The following NIBAN3 variants were observed in gnomAD, a reference collection of about 807,000 sequenced individuals.
The protein encoded by NIBAN3 is niban apoptosis regulator 3, also known as protein Niban 3.
NIBAN3 carries 66 observed loss-of-function variants against 76.4 expected under a neutral mutation model. The observed-to-expected ratio is 0.86, with a 90% CI of 0.71 to 1.06. The LOEUF (loss-of-function observed/expected upper bound fraction) is 1.06, where lower values mean the gene tolerates loss of function less well. Ranked by LOEUF, NIBAN3 falls within the 50% of genes least tolerant of loss-of-function variation. The pLI is 0.00. For synonymous variants in NIBAN3, 360 were observed against 355.2 expected (o/e 1.01, Z -0.15); for missense variants, 808 against 810.7 (o/e 1.00, Z 0.04).
intron 13 of NIBAN3, among the ~76,000 whole-genome samples, chr19:17,547,350 C>CTTTTTTTTTT (rs1161818189): frequency 3.2e-5 from 2 of 62,702 alleles, no homozygotes; most frequent in African/African-American, 6.9e-5. Context: ...GAGACTATGT[C>CTTTTTTTTTT]TTTTTTTTTT....
Position 17,553,347 on chromosome 19 carries a change from TG to T in NIBAN3, c.*1452del. ...TTAACTTGGTGTCAAGTTTCCTGGCTGGGAGACAAGCTTTTACCGACTTCCT... is the reference window on the plus strand; with the variant it reads ...TTAACTTGGTGTCAAGTTTCCTGGCTGGAGACAAGCTTTTACCGACTTCCT... On this transcript the variant is annotated 3_prime_UTR_variant, in exon 15 of 15. Coordinates refer to ENST00000599164, the MANE Select transcript of NIBAN3 (RefSeq NM_001321827.2). 1 of 1,614,090 alleles carries T rather than the reference TG, an allele frequency of 6.2e-7. No individual in the cohort carries two copies. The highest frequency in any genetic ancestry group is 8.5e-7 in the Non-Finnish European group (1 of 1,179,956).
upstream of NIBAN3, among the ~76,000 whole-genome samples, chr19:17,526,049 G>A (rs1175178463): frequency 2.0e-5 from 3 of 150,590 alleles, no homozygotes; most frequent in African/African-American, 4.9e-5. Context: ...GTGAGACACC[G>A]TTTAAAAAAA....
rs761934232 is a variant in NIBAN3, at chr19:17,542,213, G to A, written c.1248G>A (p.Gly416=). Residue 416 remains glycine (G), a synonymous_variant, in exon 10 of 15, where the codon GGG becomes GGA. Coordinates refer to ENST00000599164, the MANE Select transcript of NIBAN3 (RefSeq NM_001321827.2). This position sits in a 1 kb window ranked among gnomAD's most constrained non-coding sequence, Gnocchi z 4.8. ...ACCGTGAGGCCGAGCGGAGCCGGGG[G>A]CGCTTGGGGCAGCTGGCAGCACCGT... ...TCYREAERSR[G]RLGQLAAPFG... is the part of the protein sequence containing the mutation. 6 of 1,614,150 alleles carry A rather than the reference G, an allele frequency of 3.7e-6. No individual in the cohort carries two copies. The highest frequency in any genetic ancestry group is 5.1e-6 in the Non-Finnish European group (6 of 1,180,026).
At position 17,542,403 on chromosome 19, in the gene NIBAN3, G is replaced by T. The variant is rs2075971558; in HGVS notation, c.1329+109G>T. On this transcript the variant is annotated intron_variant, in intron 10 of 14. Transcript: ENST00000599164. This position sits in a 1 kb window ranked among gnomAD's most constrained non-coding sequence, Gnocchi z 4.8. The stretch of plus-strand genomic sequence containing the variant: ...CACGATGATCGAGACAACTCCGCGG[G>T]GCTGCCAGTCTCATGGGGACATGAG... 3 of 1,223,924 alleles carry T rather than the reference G, an allele frequency of 2.5e-6. No homozygotes were observed. The highest frequency in any genetic ancestry group is 3.4e-6 in the Non-Finnish European group (3 of 886,430). 75.8% of individuals were successfully genotyped at this position (1,223,924 alleles called of 1,614,324 possible).
chr19:17,524,445 C>CT (rs2075586110), upstream of NIBAN3, among the ~76,000 whole-genome samples: 3 of 124,814 alleles, frequency 2.4e-5, no homozygotes, highest in African/African-American at 3.8e-5. Context: ...ACCACAACGC[C>CT]CGCTATTTTT....
chr19:17,526,053 A>G (rs540826399), upstream of NIBAN3, among the ~76,000 whole-genome samples: 1 of 146,468 alleles, frequency 6.8e-6, no homozygotes, highest in Non-Finnish European at 1.5e-5. Flanking sequence ...GACACCGTTT[A>G]AAAAAAAAAG....
chr19:17,523,530 C>G (rs894188615), upstream of NIBAN3: 8 of 1,358,330 alleles, frequency 5.9e-6, no homozygotes, highest in African/African-American at 4.4e-5. Flanking sequence ...AGGCCGTGGC[C>G]CCCAGAGCGG....
intron 8 of NIBAN3, chr19:17,540,160 G>A (rs2075919229): frequency 2.4e-6 from 1 of 424,630 alleles, no homozygotes; most frequent in Non-Finnish European, 4.2e-6. Context: ...GAGGAGGGGC[G>A]GGGGTAAAGG....
intron 5 of NIBAN3, among the ~76,000 whole-genome samples, chr19:17,538,768 G>A (rs139556430): frequency 2.6e-5 from 4 of 151,166 alleles, no homozygotes; most frequent in East Asian, 3.9e-4. Context: ...AAGAGAGGGA[G>A]GGAGGGAAAG....
chr19:17,539,605 T>C lies in NIBAN3; in HGVS notation c.819T>C (p.Leu273=). 6.4e-7 allele frequency: 1 copy of C among 1,550,874 alleles called. No homozygotes were observed. ...GRARAWAWTE[L]LDAVHAAVLA... is the part of the protein sequence containing the mutation. ...CCCCCCTCGACCGGTCTGGGCAGCTTCTAGACGCCGTTCACGCAGCTGTCC... is the reference window on the plus strand; with the variant it reads ...CCCCCCTCGACCGGTCTGGGCAGCTCCTAGACGCCGTTCACGCAGCTGTCC... The change falls in exon 8 of 15, where the codon CTT becomes CTC. Residue 273 remains leucine (L), a splice_region_variant and synonymous_variant. Transcript: ENST00000599164.
chr19:17,527,932 G>A (rs1039439947), intron 1 of NIBAN3, among the ~76,000 whole-genome samples: 16 of 152,012 alleles, frequency 1.1e-4, no homozygotes, highest in East Asian at 3.9e-4. Flanking sequence ...GAGCTCAAGC[G>A]ATCCTCCCAC....
chr19:17,535,497 T>C (rs1332882259), intron 4 of NIBAN3, among the ~76,000 whole-genome samples: 3 of 152,082 alleles, frequency 2.0e-5, no homozygotes, highest in African/African-American at 7.2e-5. Flanking sequence ...CGGTGGCTCA[T>C]GCCTGTAATC....
Position 17,550,843 on chromosome 19 carries a change from C to CTTTTTTT in NIBAN3, c.1751-926_1751-920dup, listed in dbSNP as rs10690901. On this transcript the variant is annotated intron_variant, in intron 14 of 14. Transcript: ENST00000599164. ...GCCACAGGGATTAATCTTGTACATA[C>CTTTTTTT]TTTTTTTTTTTTTTTTTTTTTTTCA... Among the ~76,000 whole-genome samples the CTTTTTTT allele has an allele frequency of 8.7e-5, 8 of 91,546 alleles. 1 individual carries two copies. Among genetic ancestry groups the CTTTTTTT allele is most frequent in the South Asian group, 4.5e-4 (1 of 2,238 alleles). The allele number at this position is 91,546 out of a possible 152,430, so 60.1% of individuals were successfully genotyped here.
chr19:17,539,709 G>GCC lies in NIBAN3; in HGVS notation c.925_926dup (p.Asp310ArgfsTer17). The GCC allele has an allele frequency of 6.5e-7, 1 of 1,549,290 alleles. No homozygotes were observed. Among genetic ancestry groups the GCC allele is most frequent in the Non-Finnish European group, 8.7e-7 (1 of 1,148,342 alleles). ...CTTGCGTCGCTGGAGAAGACGATCC[G>GCC]CCCGGACGTGGACCAGCTGCTGCGG... is the stretch of plus-strand genomic sequence containing the variant. On this transcript the variant is annotated frameshift_variant, in exon 8 of 15. Coordinates refer to ENST00000599164, the MANE Select transcript of NIBAN3 (RefSeq NM_001321827.2). LOFTEE classifies it high-confidence loss of function.
Position 17,553,206 on chromosome 19 carries a change from T to C in NIBAN3, c.*1308T>C, listed in dbSNP as rs2076182252. On this transcript the variant is annotated 3_prime_UTR_variant, in exon 15 of 15. Transcript: ENST00000599164. ...AGTGTTTGCATTTTTCTTATTGATA[T>C]CTAATAACTCTTTATATCTGAAGGA... is the stretch of plus-strand genomic sequence containing the variant. 2 of 1,489,506 alleles carry C rather than the reference T, an allele frequency of 1.3e-6. No homozygotes were observed. The highest frequency in any genetic ancestry group is 2.3e-5 in the East Asian group (1 of 43,686). 92.3% of individuals were successfully genotyped at this position (1,489,506 alleles called of 1,614,324 possible).
intron 1 of NIBAN3, among the ~76,000 whole-genome samples, chr19:17,530,361 G>A (rs182051402): frequency 2.3e-4 from 35 of 150,840 alleles, no homozygotes; most frequent in Non-Finnish European, 4.3e-4. Flanking sequence ...CAAAAAACCC[G>A]TCTCTACTAA....
At chr19:17,526,733 G>A (rs1328287123), upstream of NIBAN3, among the ~76,000 whole-genome samples, 1 of 151,458 alleles carries the variant, frequency 6.6e-6, no homozygotes, top group Admixed American at 6.6e-5. Context: ...AAGGAATCAA[G>A]GATGAAGCTT....
At position 17,530,816 on chromosome 19, in the gene NIBAN3, T is replaced by C; in HGVS notation, c.117T>C (p.Ser39=). The C allele has an allele frequency of 6.2e-7, 1 of 1,613,536 alleles. No individual in the cohort carries two copies. The highest frequency in any genetic ancestry group is 2.2e-5 in the East Asian group (1 of 44,828). The part of the protein sequence containing the change: ...LPCYRGQLAA[S]VLRQISRELG... ...GCTACCGTGGGCAGCTGGCAGCGTC[T>C]GTCCTGCGGCAGATCTCTCGAGAGC... Residue 39 remains serine, a synonymous_variant, in exon 2 of 15, where the codon TCT becomes TCC. Transcript: ENST00000599164.
In NIBAN3 at chr19:17,532,190, G is replaced by T. The variant is rs1368407200; in HGVS notation, c.187-73G>T. The T allele has an allele frequency of 7.8e-6, 12 of 1,530,452 alleles. No homozygotes were observed. The Admixed American group carries it at 2.2e-4, about 28-fold the overall frequency. The allele number at this position is 1,530,452 out of a possible 1,614,324, so 94.8% of individuals were successfully genotyped here. A position where few individuals can be genotyped will look rare whatever the true frequency, so the allele number is the denominator to read the frequency against. Reference sequence around the variant, plus strand: ...CTTAGCGTCACCCCAGGATACAGCGGGTGTCTGGGTGGTCGGGCCACAGGG... The same window carrying T: ...CTTAGCGTCACCCCAGGATACAGCGTGTGTCTGGGTGGTCGGGCCACAGGG... On this transcript the variant is annotated intron_variant, in intron 2 of 14. Coordinates refer to ENST00000599164, the MANE Select transcript of NIBAN3 (RefSeq NM_001321827.2).
Sources: gnomAD v4.1 joint callset for allele counts (sites outside exome capture counted in the v4.1 genomes callset) on GRCh38, gnomAD v4.1.1 for gene constraint, Gnocchi (gnomAD v3.1) non-coding constraint, MANE v1.5 for transcripts, NCBI Gene and HGNC (gene_info 2026-07-23, HGNC 2026-07-21) for gene names.